Variants in COL11A1 observed in about 807,000 individuals in gnomAD.
COL11A1 encodes the protein collagen alpha-1(XI) chain.
Under a neutral mutation model 265.2 loss-of-function variants are expected in COL11A1, and 74 were observed. That is an observed-to-expected ratio of 0.28 (90% CI 0.23 to 0.34). The LOEUF is 0.34. Among genes scored for constraint, COL11A1 ranks in the 10% least tolerant of loss-of-function variants. The pLI, the probability that COL11A1 is intolerant of heterozygous loss-of-function variation, is 1.00. For synonymous variants in COL11A1, 816 were observed against 727.6 expected (o/e 1.12, Z -1.96); for missense variants, 2,165 against 2,263.6 (o/e 0.96, Z 0.88).
In COL11A1 at chr1:102,978,892, C is replaced by T. The variant is rs769596733; in HGVS notation, c.2677G>A (p.Ala893Thr). The T allele has an allele frequency of 1.9e-6, 3 of 1,614,054 alleles. No individual in the cohort carries two copies. The highest frequency in any genetic ancestry group is 2.7e-5 in the African/African-American group (2 of 74,936). Reference protein sequence around the residue: ...GPTGPRGSRGARGPTGKPGPK... With the variant: ...GPTGPRGSRGTRGPTGKPGPK... ...CCAGGTTTCCCAGTGGGACCTCTTG[C>T]ACCTCTTGAACCTCGAGGACCCTGC... Residue 893 changes from alanine to threonine, a missense_variant, in exon 34 of 67, where the codon GCA (alanine) becomes ACA (threonine). Transcript: ENST00000370096.
chr1:102,939,450 A>G (rs550649028), intron 43 of COL11A1, among the ~76,000 whole-genome samples: 13 of 152,306 alleles, frequency 8.5e-5, no homozygotes, highest in Non-Finnish European at 1.6e-4. Context: ...CGCACCTGTA[A>G]TCCCAGGTTT....
chr1:103,034,999 G>A (rs7536172), intron 4 of COL11A1, among the ~76,000 whole-genome samples: 1 of 152,028 alleles, frequency 6.6e-6, no homozygotes, highest in Non-Finnish European at 1.5e-5. Flanking sequence ...ATTAGAGTGA[G>A]ATTTCCTTAA....
rs1219599526 is a variant in COL11A1, at chr1:103,082,963, A to G, written c.116T>C (p.Val39Ala). 6.2e-7 allele frequency: 1 copy of G among 1,612,826 alleles called. No individual in the cohort carries two copies. The highest frequency in any genetic ancestry group is 8.5e-7 in the Non-Finnish European group (1 of 1,179,428). The change falls in exon 2 of 67, where the codon GTT (valine) becomes GCT (alanine). Residue 39 changes from valine (V) to alanine (A), a missense_variant. Coordinates refer to ENST00000370096, the MANE Select transcript of COL11A1 (RefSeq NM_001854.4). ...AAAATCTAGTGCTTTTAGTACATCA[A>G]CTGGAGCAGCTGAAAAATAAGCAAA... ...QAREVRGAAP[V>A]DVLKALDFHN...
intron 25 of COL11A1, 64 bp from the exon 26 acceptor site, chr1:102,997,188 A>T: frequency 1.5e-6 from 2 of 1,361,132 alleles, no homozygotes; most frequent in Non-Finnish European, 2.1e-6. Context: ...ATACTACGAA[A>T]GTATTTCTTT....
chr1:103,073,202 G>C (rs1671715951), intron 4 of COL11A1, among the ~76,000 whole-genome samples: 1 of 151,686 alleles, frequency 6.6e-6, no homozygotes, highest in African/African-American at 2.4e-5. Context: ...TTCAGAATGT[G>C]GGATATAGTT....
At chr1:103,096,229 C>G (rs1381815885) in intron 1 of COL11A1, among the ~76,000 whole-genome samples, 1 of 151,890 alleles carries the variant, frequency 6.6e-6, no homozygotes, top group African/African-American at 2.4e-5. Flanking sequence ...AATCAGGCGG[C>G]AGTGAGGAAG....
At chr1:103,004,935 TCAGA>T (rs1049741386) in intron 18 of COL11A1, among the ~76,000 whole-genome samples, 14 of 152,072 alleles carry the variant, frequency 9.2e-5, no homozygotes, top group African/African-American at 2.2e-4. Context: ...TAAATCGTTT[TCAGA>T]CATTTAATTA....
intron 4 of COL11A1, among the ~76,000 whole-genome samples, chr1:103,046,419 G>C (rs1375070766): frequency 6.6e-6 from 1 of 151,716 alleles, no homozygotes; most frequent in African/African-American, 2.4e-5. Flanking sequence ...AGAAGTGTCT[G>C]TTCATATCCT....
chr1:102,978,892 C>A lies in COL11A1; in HGVS notation c.2677G>T (p.Ala893Ser), dbSNP rs769596733. The change falls in exon 34 of 67, where the codon GCA (alanine) becomes TCA (serine). Residue 893 changes from alanine to serine, a missense_variant. Coordinates refer to ENST00000370096, the MANE Select transcript of COL11A1 (RefSeq NM_001854.4). ...GPTGPRGSRG[A>S]RGPTGKPGPK... ...CCAGGTTTCCCAGTGGGACCTCTTG[C>A]ACCTCTTGAACCTCGAGGACCCTGC... 7 of 1,614,054 alleles carry A rather than the reference C, an allele frequency of 4.3e-6. No individual in the cohort carries two copies. Among genetic ancestry groups the A allele is most frequent in the South Asian group, 1.1e-5 (1 of 91,088 alleles).
At chr1:103,045,334 G>A (rs578117421) in intron 4 of COL11A1, among the ~76,000 whole-genome samples, 1 of 152,246 alleles carries the variant, frequency 6.6e-6, no homozygotes, top group African/African-American at 2.4e-5. Context: ...CTACTTGAAA[G>A]AAATAGACTT....
At chr1:102,994,078 C>T (rs1664392832) in intron 28 of COL11A1, among the ~76,000 whole-genome samples, 1 of 152,040 alleles carries the variant, frequency 6.6e-6, no homozygotes, top group Non-Finnish European at 1.5e-5. Context: ...GTAGCTTTTT[C>T]CAGATAAAGT....
chr1:103,027,742 A>G (rs1667657426), intron 5 of COL11A1, among the ~76,000 whole-genome samples: 2 of 152,036 alleles, frequency 1.3e-5, no homozygotes, highest in African/African-American at 4.8e-5. Context: ...TACAAAAACA[A>G]TAAGTAAATG....
chr1:102,965,415 T>C, intron 38 of COL11A1, 72 bp downstream of exon 38: 1 of 1,340,378 alleles, frequency 7.5e-7, no homozygotes, highest in South Asian at 1.2e-5. Flanking sequence ...TAGAAGATTT[T>C]ACACAACTTA....
At chr1:103,088,424 A>G (rs1315159578) in intron 1 of COL11A1, among the ~76,000 whole-genome samples, 2 of 152,198 alleles carry the variant, frequency 1.3e-5, no homozygotes, top group Non-Finnish European at 2.9e-5. Flanking sequence ...GCCTGTGGGT[A>G]TAGACCTCCC....
At chr1:103,104,346 A>G (rs1191553037) in intron 1 of COL11A1, among the ~76,000 whole-genome samples, 1 of 152,140 alleles carries the variant, frequency 6.6e-6, no homozygotes, top group Admixed American at 6.5e-5. Context: ...CATAAATTTG[A>G]AAAGAGATGT....
chr1:102,994,369 T>C (rs1664424583), intron 28 of COL11A1, among the ~76,000 whole-genome samples: 1 of 152,090 alleles, frequency 6.6e-6, no homozygotes, highest in East Asian at 1.9e-4. Flanking sequence ...CTCCTGATAG[T>C]GAGTGCCTTC....
intron 48 of COL11A1, 68 bp downstream of exon 48, chr1:102,921,450 G>T: frequency 8.0e-7 from 1 of 1,256,602 alleles, no homozygotes; most frequent in Non-Finnish European, 1.2e-6. Context: ...CTCACAAAGA[G>T]CATCTGCTAT....
chr1:102,954,849 TAA>T (rs144235911), intron 41 of COL11A1, among the ~76,000 whole-genome samples: 89,674 of 139,926 alleles, frequency 0.64, 28,976 homozygotes, highest in East Asian at 0.91. Context: ...CCTCTTGAAA[TAA>T]AAAAAAAAAA....
chr1:103,043,002 C>G (rs1301852887), intron 4 of COL11A1, among the ~76,000 whole-genome samples: 4 of 140,888 alleles, frequency 2.8e-5, no homozygotes, highest in African/African-American at 7.8e-5. Flanking sequence ...ATATTAAATA[C>G]ATCATATATA....
Sources: allele counts gnomAD v4.1 joint callset (sites outside exome capture counted in the v4.1 genomes callset), GRCh38; gene constraint gnomAD v4.1.1; transcripts MANE v1.5; gene names NCBI Gene and HGNC (gene_info 2026-07-23, HGNC 2026-07-21).